TRIO: variants seen among roughly 807,000 people sequenced by gnomAD.
The protein encoded by TRIO is triple functional domain protein.
A neutral mutation model predicts 351.9 loss-of-function variants in TRIO; 58 were observed. The observed-to-expected ratio is 0.16, with a 90% CI of 0.13 to 0.21. The LOEUF (loss-of-function observed/expected upper bound fraction) is 0.21, where lower values mean the gene tolerates loss of function less well. Among genes scored for constraint, TRIO ranks in the 10% least tolerant of loss-of-function variants. The probability of loss-of-function intolerance (pLI) is 1.00; values close to 1 mark genes in which losing one functional copy is unlikely to be tolerated. For synonymous variants in TRIO, 1,758 were observed against 1,595.7 expected (o/e 1.10, Z -2.42); for missense variants, 3,201 against 4,027.8 (o/e 0.79, Z 5.56).
At chr5:14,292,653 T>C (rs1737010277) in intron 5 of TRIO, among the ~76,000 whole-genome samples, 1 of 152,266 alleles carries the variant, frequency 6.6e-6, no homozygotes, top group Non-Finnish European at 1.5e-5. Flanking sequence ...CTAACGGGTC[T>C]TTAATTGAAC....
chr5:14,389,256 T>G, intron 24 of TRIO, 33 bp from the exon 25 acceptor site: 1 of 1,522,142 alleles, frequency 6.6e-7, no homozygotes, highest in Non-Finnish European at 8.9e-7. Context: ...ATGGTGATTA[T>G]TTTTGTCTAA....
At chr5:14,401,981 T>C (rs961313581) in intron 31 of TRIO, among the ~76,000 whole-genome samples, 1 of 152,222 alleles carries the variant, frequency 6.6e-6, no homozygotes, top group African/African-American at 2.4e-5. Flanking sequence ...GTCAGCCTTC[T>C]AGAGCCTGTT....
chr5:14,387,446 AG>A lies in TRIO; in HGVS notation c.3580del (p.Glu1194ArgfsTer3), dbSNP rs1746641519. ...CCTGTTGTTTTTTGCAGCAAACCAA[AG>A]AGAGAGTGAAGCTATTGATACAGCT... ...EFQITAKQTK[E>X]RVKLLIQLAD... On this transcript the variant is annotated frameshift_variant, in exon 22 of 57. Transcript: ENST00000344204. LOFTEE classifies it high-confidence loss of function. 6.2e-7 allele frequency: 1 copy of A among 1,606,722 alleles called. No individual in the cohort carries two copies.
chr5:14,322,968 T>C (rs764581408), intron 9 of TRIO, among the ~76,000 whole-genome samples: 1 of 152,154 alleles, frequency 6.6e-6, no homozygotes, highest in Non-Finnish European at 1.5e-5. Context: ...ATTAACCTTC[T>C]GCAGTAGTGA....
intron 1 of TRIO, among the ~76,000 whole-genome samples, chr5:14,157,889 G>C (rs1788211665): frequency 6.6e-6 from 1 of 152,066 alleles, no homozygotes; most frequent in Admixed American, 6.5e-5. Flanking sequence ...CACCCAGCCT[G>C]TTCTGTGTTT....
intron 34 of TRIO, among the ~76,000 whole-genome samples, chr5:14,426,122 C>G (rs1750620087): frequency 6.6e-6 from 1 of 152,112 alleles, no homozygotes; most frequent in Non-Finnish European, 1.5e-5. Flanking sequence ...TAAATGTTAC[C>G]ATACTCTCTT....
chr5:14,339,614 A>ACCC (rs890981644), intron 11 of TRIO, among the ~76,000 whole-genome samples: 1 of 152,168 alleles, frequency 6.6e-6, no homozygotes, highest in African/African-American at 2.4e-5. Context: ...GTAACCTGGG[A>ACCC]CCAAGGAGGG....
intron 5 of TRIO, among the ~76,000 whole-genome samples, chr5:14,292,217 G>A (rs1164758218): frequency 1.3e-5 from 2 of 152,188 alleles, no homozygotes; most frequent in South Asian, 2.1e-4. Flanking sequence ...ATAATCCAGT[G>A]TTTTTATTAC....
chr5:14,182,569 A>G (rs1789854217), intron 1 of TRIO, among the ~76,000 whole-genome samples: 1 of 152,222 alleles, frequency 6.6e-6, no homozygotes, highest in Non-Finnish European at 1.5e-5. Context: ...AATTTTGTTG[A>G]TAATTAAAGT....
At chr5:14,174,063 T>C (rs1299635813) in intron 1 of TRIO, among the ~76,000 whole-genome samples, 1 of 152,214 alleles carries the variant, frequency 6.6e-6, no homozygotes, top group Non-Finnish European at 1.5e-5. Context: ...CACTAAAGTA[T>C]AGATTCTTTG....
intron 21 of TRIO, among the ~76,000 whole-genome samples, chr5:14,382,023 T>C (rs1350319588): frequency 6.6e-6 from 1 of 152,084 alleles, no homozygotes; most frequent in East Asian, 1.9e-4. Context: ...ACCTGTGGGG[T>C]TGTTGTTTTT....
At chr5:14,231,268 G>A (rs953784225) in intron 1 of TRIO, among the ~76,000 whole-genome samples, 16 of 152,178 alleles carry the variant, frequency 1.1e-4, no homozygotes, top group African/African-American at 3.6e-4. Flanking sequence ...TAGTATTAAA[G>A]CTTGTGTTGA....
At chr5:14,233,441 T>C (rs1331513280) in intron 1 of TRIO, among the ~76,000 whole-genome samples, 3 of 151,462 alleles carry the variant, frequency 2.0e-5, no homozygotes, top group African/African-American at 7.3e-5. Flanking sequence ...AGTGAGCTAA[T>C]ATGGCACCAC....
rs1281002236 is a variant in TRIO at position 14,492,512 on chromosome 5, A to C, written c.7633-55A>C. ...CACTGACAAGGGATTTCATGTGATC[A>C]GGTCTCGTTTCAGTTCCTCCCTGCC... On this transcript the variant is annotated intron_variant, in intron 48 of 56. Coordinates refer to ENST00000344204, the MANE Select transcript of TRIO (RefSeq NM_007118.4). 3.1e-6 allele frequency: 5 copies of C among 1,590,532 alleles called. No individual in the cohort carries two copies. In the East Asian group the frequency reaches 1.1e-4, roughly 36 times the overall value.
In TRIO at chr5:14,471,391, A is replaced by G. The variant is rs1250600493; in HGVS notation, c.5837A>G (p.Asp1946Gly). 6.2e-7 allele frequency: 1 copy of G among 1,614,188 alleles called. No individual in the cohort carries two copies. ...AGCAGCCCTTCCTTCAACCCTTCGG[A>G]TAATTCCCTTCTCTCTTCCTCCTCG... is the stretch of plus-strand genomic sequence containing the variant. ...DSSSPSFNPS[D>G]NSLLSSSSPI... The change falls in exon 38 of 57, where the codon GAT (aspartate) becomes GGT (glycine). Residue 1946 changes from aspartate to glycine, a missense_variant. Physicochemically the swap from Asp to Gly is moderately conservative, Grantham distance 94. This residue lies in a region of TRIO where 307 missense variants were observed against 396.5 expected (regional missense o/e 0.77). Transcript: ENST00000344204.
Position 14,308,777 on chromosome 5 carries a change from C to G in TRIO, c.1500+4185C>G, listed in dbSNP as rs965628464. On this transcript the variant is annotated intron_variant, in intron 8 of 56. Transcript: ENST00000344204. ...TCCATCCAATTACCCATCCATTCATCTATCCAACCAACCACCCATCCTACA... is the reference window on the plus strand; with the variant it reads ...TCCATCCAATTACCCATCCATTCATGTATCCAACCAACCACCCATCCTACA... Among the ~76,000 whole-genome samples the G allele has an allele frequency of 9.1e-5, 7 of 76,916 alleles. No individual in the cohort carries two copies. The Admixed American group carries it at 9.2e-4, about 10-fold the overall frequency. The allele number at this position is 76,916 out of a possible 152,430, so 50.5% of individuals were successfully genotyped here. A position where few individuals can be genotyped will look rare whatever the true frequency, so the allele number is the denominator to read the frequency against.
chr5:14,396,904 T>G (rs535387718), intron 28 of TRIO, 139 bp from the exon 29 acceptor site: 1 of 677,082 alleles, frequency 1.5e-6, no homozygotes, highest in African/African-American at 1.8e-5. Context: ...GTAGTTTATT[T>G]CTATGAGAAC....
intron 30 of TRIO, 160 bp downstream of exon 30, chr5:14,399,230 T>C (rs1747864487): frequency 2.8e-6 from 2 of 708,876 alleles, no homozygotes; most frequent in Non-Finnish European, 4.7e-6. Flanking sequence ...AGTGAAATTA[T>C]TTCCCACCCT....
At chr5:14,295,498 C>G (rs1737278347) in intron 6 of TRIO, among the ~76,000 whole-genome samples, 3 of 152,224 alleles carry the variant, frequency 2.0e-5, no homozygotes, top group Admixed American at 2.0e-4. Context: ...CTGTTACAAT[C>G]TAGGAATGGG....
Sources: allele counts gnomAD v4.1 joint callset (sites outside exome capture counted in the v4.1 genomes callset), GRCh38; gene constraint gnomAD v4.1.1; regional missense constraint gnomAD v4.1.1; transcripts MANE v1.5; gene names NCBI Gene and HGNC (gene_info 2026-07-23, HGNC 2026-07-21).